DYSF: variants seen among roughly 807,000 people sequenced by gnomAD.
DYSF encodes dysferlin.
In DYSF, 212 loss-of-function variants were observed where a neutral mutation model predicts 274.9. The observed-to-expected ratio is 0.77, with a 90% CI of 0.69 to 0.86. DYSF has a LOEUF of 0.86. DYSF is among the 40% of genes least tolerant of loss of function. The pLI is 0.00. For missense variants in DYSF, 2,666 were observed against 2,783.2 expected (o/e 0.96, Z 0.95); for synonymous variants, 1,091 against 1,078.7 (o/e 1.01, Z -0.22).
At chr2:71,473,264 C>T (rs2082165861) in intron 1 of DYSF, among the ~76,000 whole-genome samples, 1 of 152,202 alleles carries the variant, frequency 6.6e-6, no homozygotes, top group South Asian at 2.1e-4. Flanking sequence ...CTTCCTTCAG[C>T]CCACGCTAGG....
chr2:71,631,187 A>C (rs2094307269), intron 41 of DYSF, among the ~76,000 whole-genome samples: 1 of 152,202 alleles, frequency 6.6e-6, no homozygotes, highest in African/African-American at 2.4e-5. Flanking sequence ...CATTTTCAGA[A>C]GGCATCCAAG....
chr2:71,568,659 C>G (rs1395490573), intron 26 of DYSF, among the ~76,000 whole-genome samples: 2 of 151,900 alleles, frequency 1.3e-5, no homozygotes, highest in Non-Finnish European at 1.5e-5. Context: ...CTCCTGGCCT[C>G]AGGTGATCCT....
At chr2:71,456,523 C>G (rs942817321) in intron 1 of DYSF, among the ~76,000 whole-genome samples, 3 of 152,200 alleles carry the variant, frequency 2.0e-5, no homozygotes, top group Non-Finnish European at 4.4e-5. Flanking sequence ...GGGAAGCCTT[C>G]CCTCCCCAGC....
In DYSF at chr2:71,481,882, T is replaced by A; in HGVS notation, c.151T>A (p.Phe51Ile). The stretch of plus-strand genomic sequence containing the variant: ...GCCTTTTCTCTTTTTCTTCCAGGGA[T>A]TTGAATGGGACCTCAAGGGCATCCC... ...NSVNPVWNEGFEWDLKGIPLD... is the reference protein window; with the variant it reads ...NSVNPVWNEGIEWDLKGIPLD... Residue 51 changes from phenylalanine (F) to isoleucine (I), a missense_variant, in exon 3 of 56, where the codon TTT (phenylalanine) becomes ATT (isoleucine). Around this residue, in one of 3 missense-constraint regions of DYSF, gnomAD observed 794 missense variants for 777.1 expected, o/e 1.02. Transcript: ENST00000410020. The A allele has an allele frequency of 1.2e-6, 2 of 1,613,808 alleles. No individual in the cohort carries two copies. Among genetic ancestry groups the A allele is most frequent in the Non-Finnish European group, 1.7e-6 (2 of 1,179,750 alleles).
intron 30 of DYSF, among the ~76,000 whole-genome samples, chr2:71,582,785 A>G (rs2092938075): frequency 6.6e-6 from 1 of 152,192 alleles, no homozygotes; most frequent in Non-Finnish European, 1.5e-5. Flanking sequence ...CAGAGCTGGG[A>G]AGAGACGGGC....
intron 41 of DYSF, among the ~76,000 whole-genome samples, chr2:71,632,126 T>C (rs1312755869): frequency 1.3e-5 from 2 of 152,186 alleles, no homozygotes; most frequent in African/African-American, 2.4e-5. Context: ...GAGGTCTAAC[T>C]TGATGTCTTC....
At chr2:71,511,216 G>A (rs1438828566) in intron 4 of DYSF, among the ~76,000 whole-genome samples, 1 of 152,244 alleles carries the variant, frequency 6.6e-6, no homozygotes, top group African/African-American at 2.4e-5. Context: ...GGGCAGCTGA[G>A]GATGTGCTGG....
intron 31 of DYSF, among the ~76,000 whole-genome samples, 181 bp downstream of exon 31, chr2:71,589,867 G>A (rs1377307927): frequency 1.3e-5 from 2 of 152,196 alleles, no homozygotes; most frequent in East Asian, 1.9e-4. Flanking sequence ...GCACGTGTCC[G>A]TGCCTATCTG....
At chr2:71,667,950 C>G (rs1466442660) in intron 48 of DYSF, among the ~76,000 whole-genome samples, 1 of 151,984 alleles carries the variant, frequency 6.6e-6, no homozygotes, top group Non-Finnish European at 1.5e-5. Context: ...AATGACAAAG[C>G]CACCCACAGA....
intron 41 of DYSF, among the ~76,000 whole-genome samples, chr2:71,629,892 G>A (rs535587133): frequency 6.6e-6 from 1 of 152,144 alleles, no homozygotes; most frequent in Non-Finnish European, 1.5e-5. Flanking sequence ...CATCATGCAG[G>A]TTTATCTCCT....
At chr2:71,602,140 A>G (rs1479089894) in intron 35 of DYSF, among the ~76,000 whole-genome samples, 1 of 152,174 alleles carries the variant, frequency 6.6e-6, no homozygotes, top group Non-Finnish European at 1.5e-5. Context: ...TCTTGGTAGA[A>G]AATGTTGAGC....
chr2:71,535,180 A>G lies in DYSF; in HGVS notation c.1450-88A>G, dbSNP rs4852802. ...GCTCCTGCCTCCCCAGCATCCTGCCAGTATCCCAGACTTCAGCTCGGGGTA... is the reference window on the plus strand; with the variant it reads ...GCTCCTGCCTCCCCAGCATCCTGCCGGTATCCCAGACTTCAGCTCGGGGTA... On this transcript the variant is annotated intron_variant, in intron 15 of 55. Coordinates refer to ENST00000410020, the MANE Select transcript of DYSF (RefSeq NM_001130987.2). 0.68 allele frequency: 1,089,152 copies of G among 1,596,142 alleles called. 380,117 individuals carry two copies. Among genetic ancestry groups the G allele is most frequent in the Non-Finnish European group, 0.72 (833,789 of 1,163,734 alleles).
chr2:71,618,254 GTGTGTGGTAGAGGT>G (rs2093966347), intron 40 of DYSF, among the ~76,000 whole-genome samples: 6 of 74,952 alleles, frequency 8.0e-5, no homozygotes, highest in East Asian at 5.2e-4. Flanking sequence ...TAGAGGTGGC[GTGTGTGGTAGAGGT>G]GTGTGTGTGT....
chr2:71,668,728 G>A (rs1437436295), intron 48 of DYSF, 26 bp from the exon 49 acceptor site: 1 of 1,608,248 alleles, frequency 6.2e-7, no homozygotes, highest in East Asian at 2.2e-5. Context: ...AGAAGGGTGG[G>A]GAGAGAACGG....
intron 14 of DYSF, among the ~76,000 whole-genome samples, chr2:71,530,409 G>A (rs1013712646): frequency 1.3e-5 from 2 of 152,190 alleles, no homozygotes; most frequent in Non-Finnish European, 2.9e-5. Context: ...GGCTGCTCCT[G>A]GGTCCCTGCC....
chr2:71,600,399 T>C (rs1187909243), intron 33 of DYSF, among the ~76,000 whole-genome samples: 1 of 152,194 alleles, frequency 6.6e-6, no homozygotes, highest in Non-Finnish European at 1.5e-5. Context: ...TGGTCTCCAA[T>C]AGTCTTAGCG....
chr2:71,513,106 A>C (rs1428670092), intron 5 of DYSF, 134 bp from the exon 6 acceptor site: 1 of 830,072 alleles, frequency 1.2e-6, no homozygotes, highest in East Asian at 2.7e-5. Flanking sequence ...TGGGCTCCAC[A>C]GCTATTTCTG....
chr2:71,568,117 C>T (rs748219481), intron 25 of DYSF, 35 bp downstream of exon 25: 1 of 1,614,226 alleles, frequency 6.2e-7, no homozygotes, highest in South Asian at 1.1e-5. Context: ...CTGCCTCCCA[C>T]TACCTGGAGC....
In DYSF at chr2:71,681,026, T is replaced by A; in HGVS notation, c.6089T>A (p.Ile2030Asn). The change falls in exon 54 of 56, where the codon ATT becomes AAT. Residue 2030 changes from isoleucine (I) to asparagine (N), a missense_variant. Coordinates refer to ENST00000410020, the MANE Select transcript of DYSF (RefSeq NM_001130987.2). ...GGCAAGCTGGAAATGACCTTGGAGA[T>A]TGTAGCAGAGAGTGAGCATGAGGAG... ...LAGKLEMTLE[I>N]VAESEHEERP... The A allele has an allele frequency of 6.2e-7, 1 of 1,614,136 alleles. No individual in the cohort carries two copies. The highest frequency in any genetic ancestry group is 1.1e-5 in the South Asian group (1 of 91,086).
Sources: allele counts gnomAD v4.1 joint callset (sites outside exome capture counted in the v4.1 genomes callset), GRCh38; gene constraint gnomAD v4.1.1; regional missense constraint gnomAD v4.1.1; transcripts MANE v1.5; gene names NCBI Gene and HGNC (gene_info 2026-07-23, HGNC 2026-07-21).